The following TSHZ2 variants were observed in gnomAD, a reference collection of about 807,000 sequenced individuals.
TSHZ2 encodes the protein teashirt homolog 2.
In TSHZ2, 21 loss-of-function variants were observed where a neutral mutation model predicts 74.4. The ratio of observed to expected loss-of-function variants is 0.28; its 90% CI spans 0.20 to 0.41. TSHZ2 has a LOEUF of 0.41. Among genes scored for constraint, TSHZ2 ranks in the 10% least tolerant of loss-of-function variants. The pLI is 1.00. For synonymous variants in TSHZ2, 540 were observed against 515.3 expected (o/e 1.05, Z -0.65); for missense variants, 1,244 against 1,293.5 (o/e 0.96, Z 0.59).
chr20:53,168,275 C>T (rs1164205312), intron 1 of TSHZ2, among the ~76,000 whole-genome samples: 1 of 152,224 alleles, frequency 6.6e-6, no homozygotes, highest in Non-Finnish European at 1.5e-5. Context: ...ACTAGCACCT[C>T]ACCCCAGGCT....
intron 1 of TSHZ2, among the ~76,000 whole-genome samples, chr20:53,188,649 A>G (rs976646176): frequency 6.6e-6 from 1 of 152,218 alleles, no homozygotes; most frequent in African/African-American, 2.4e-5. Context: ...AATAGGTCCA[A>G]ATAGGTATAT....
chr20:53,425,801 G>GT (rs11476894), intron 2 of TSHZ2, among the ~76,000 whole-genome samples: 134 of 146,342 alleles, frequency 9.2e-4, no homozygotes, highest in Admixed American at 3.7e-3. Flanking sequence ...ACGTTCTTTT[G>GT]TTTTTTTTTT....
chr20:53,235,737 T>A (rs1405020558), intron 1 of TSHZ2, among the ~76,000 whole-genome samples: 1 of 152,232 alleles, frequency 6.6e-6, no homozygotes, highest in Non-Finnish European at 1.5e-5. Context: ...AGATTTACAA[T>A]CTTTATTTTA....
At chr20:53,096,428 C>A (rs182534750) in intron 1 of TSHZ2, among the ~76,000 whole-genome samples, 9 of 152,306 alleles carry the variant, frequency 5.9e-5, no homozygotes, top group Non-Finnish European at 1.0e-4. Context: ...CAGGCGCGAG[C>A]CACCATGCCC....
In TSHZ2 at chr20:52,974,016, T is replaced by C. The variant is rs143289283; in HGVS notation, c.40+683T>C. Among the ~76,000 whole-genome samples, 103 of 152,278 alleles carry C rather than the reference T, an allele frequency of 6.8e-4. 2 individuals carry two copies. The East Asian group carries it at 0.019, about 28-fold the overall frequency. On this transcript the variant is annotated intron_variant, in intron 1 of 2. Coordinates refer to ENST00000371497, the MANE Select transcript of TSHZ2 (RefSeq NM_173485.6). ...CTCTGGATTTTCTTTGCCTAGAGAGTTGCAAACTTTGTGAAATGATTCGTA... is the reference window on the plus strand; with the variant it reads ...CTCTGGATTTTCTTTGCCTAGAGAGCTGCAAACTTTGTGAAATGATTCGTA...
At position 53,470,727 on chromosome 20, in the gene TSHZ2, C is replaced by T. The variant is rs527724742; in HGVS notation, c.*9-16417C>T. On this transcript the variant is annotated intron_variant, in intron 2 of 2. Coordinates refer to ENST00000371497, the MANE Select transcript of TSHZ2 (RefSeq NM_173485.6). ...CACTCAGAAGGCTAAGACAGAGAAT[C>T]GCTTGAACCCGGGAGGCAGAGGTTG... Among the ~76,000 whole-genome samples the T allele has an allele frequency of 1.6e-3, 239 of 152,162 alleles. 1 individual carries two copies. The highest frequency in any genetic ancestry group is 2.7e-3 in the Non-Finnish European group (185 of 68,020).
intron 1 of TSHZ2, among the ~76,000 whole-genome samples, chr20:53,076,296 T>C (rs746192890): frequency 7.9e-5 from 12 of 152,170 alleles, no homozygotes; most frequent in Non-Finnish European, 1.3e-4. Context: ...TGGAGTGATA[T>C]TAACCAGAAA....
chr20:53,113,590 G>A (rs1284299497), intron 1 of TSHZ2, among the ~76,000 whole-genome samples: 2 of 152,140 alleles, frequency 1.3e-5, no homozygotes, highest in Non-Finnish European at 2.9e-5. Flanking sequence ...GAACTGTTTA[G>A]AAGTTCTAAA....
intron 1 of TSHZ2, among the ~76,000 whole-genome samples, chr20:53,196,022 T>G (rs1223569382): frequency 3.3e-5 from 5 of 152,192 alleles, no homozygotes; most frequent in Non-Finnish European, 2.9e-5. Flanking sequence ...GGGGCCAGTC[T>G]CGGCTTCTGC....
chr20:53,366,615 G>A (rs569908580), intron 2 of TSHZ2, among the ~76,000 whole-genome samples: 1 of 152,128 alleles, frequency 6.6e-6, no homozygotes. Context: ...CCCTTGTAAG[G>A]CTGCTGTAGA....
chr20:53,184,242 T>C (rs1305034932), intron 1 of TSHZ2, among the ~76,000 whole-genome samples: 1 of 152,244 alleles, frequency 6.6e-6, no homozygotes, highest in African/African-American at 2.4e-5. Flanking sequence ...GAATTTGAAA[T>C]GATTTTTGGA....
At chr20:53,126,646 T>A (rs1986953811) in intron 1 of TSHZ2, among the ~76,000 whole-genome samples, 1 of 152,166 alleles carries the variant, frequency 6.6e-6, no homozygotes, top group Non-Finnish European at 1.5e-5. Flanking sequence ...AAGGTATCAT[T>A]CAGGAGCTGG....
chr20:53,424,835 A>G (rs1034082416), intron 2 of TSHZ2, among the ~76,000 whole-genome samples: 1 of 152,052 alleles, frequency 6.6e-6, no homozygotes, highest in African/African-American at 2.4e-5. Flanking sequence ...CTGCTTCTGT[A>G]TTAGTTTGCT....
intron 1 of TSHZ2, among the ~76,000 whole-genome samples, chr20:53,013,889 G>A (rs188293542): frequency 1.7e-4 from 26 of 152,270 alleles, no homozygotes; most frequent in African/African-American, 5.5e-4. Flanking sequence ...TGTGTGCCAG[G>A]CAGCGTTGAA....
At chr20:53,322,876 T>C (rs1449272822) in intron 2 of TSHZ2, among the ~76,000 whole-genome samples, 1 of 152,224 alleles carries the variant, frequency 6.6e-6, no homozygotes, top group Non-Finnish European at 1.5e-5. Flanking sequence ...CCCTGTTCTC[T>C]TCCTGGAGCC....
At chr20:53,031,971 G>A (rs1983655978) in intron 1 of TSHZ2, among the ~76,000 whole-genome samples, 1 of 152,018 alleles carries the variant, frequency 6.6e-6, no homozygotes, top group Non-Finnish European at 1.5e-5. Flanking sequence ...GATAGGAAGA[G>A]AGAAAGAAAG....
At chr20:53,458,317 T>G (rs1463458472) in intron 2 of TSHZ2, among the ~76,000 whole-genome samples, 51 of 151,776 alleles carry the variant, frequency 3.4e-4, no homozygotes, top group Admixed American at 1.7e-3. Context: ...AATTTATCCA[T>G]TTCTTCTAGA....
intron 1 of TSHZ2, among the ~76,000 whole-genome samples, chr20:53,137,716 C>T (rs1287460915): frequency 6.6e-6 from 1 of 152,076 alleles, no homozygotes; most frequent in African/African-American, 2.4e-5. Flanking sequence ...TGCACGTAGC[C>T]CCTTTAATCC....
intron 1 of TSHZ2, among the ~76,000 whole-genome samples, chr20:53,121,649 A>C (rs1986812980): frequency 6.6e-6 from 1 of 152,212 alleles, no homozygotes. Flanking sequence ...TTTCATTGAG[A>C]GACAGTTATT....
Sources: gnomAD v4.1 joint callset for allele counts (sites outside exome capture counted in the v4.1 genomes callset) on GRCh38, gnomAD v4.1.1 for gene constraint, MANE v1.5 for transcripts, NCBI Gene and HGNC (gene_info 2026-07-23, HGNC 2026-07-21) for gene names.